The following TFB1M variants were observed in gnomAD, a reference collection of about 807,000 sequenced individuals.
TFB1M encodes the protein transcription factor B1, mitochondrial.
TFB1M carries 27 observed loss-of-function variants against 31.1 expected under a neutral mutation model. The observed-to-expected ratio is 0.87, with a 90% CI of 0.64 to 1.20. The LOEUF is 1.20. Ranked by LOEUF, TFB1M falls within the 50% of genes most tolerant of loss-of-function variation. The pLI is 0.00. For synonymous variants in TFB1M, 166 were observed against 151.8 expected (o/e 1.09, Z -0.69); for missense variants, 394 against 418.7 (o/e 0.94, Z 0.51).
Position 155,257,177 on chromosome 6 carries a change from A to G in TFB1M, c.*659T>C. 7.2e-7 allele frequency: 1 copy of G among 1,381,386 alleles called. No individual in the cohort carries two copies. Among genetic ancestry groups the G allele is most frequent in the Non-Finnish European group, 9.9e-7 (1 of 1,006,484 alleles). The allele number at this position is 1,381,386 out of a possible 1,614,324, so 85.6% of individuals were successfully genotyped here. A position where few individuals can be genotyped will look rare whatever the true frequency, so the allele number is the denominator to read the frequency against. On this transcript the variant is annotated 3_prime_UTR_variant, in exon 7 of 7. Transcript: ENST00000367166. ...CTCATTTTACTTTTAAACTGGTGGT[A>G]AAGTGGAAATTGCAAAAAAAAAAAA...
At chr6:155,295,470 T>C (rs1562415758) in intron 4 of TFB1M, among the ~76,000 whole-genome samples, 1 of 152,152 alleles carries the variant, frequency 6.6e-6, no homozygotes, top group Admixed American at 6.5e-5. Flanking sequence ...AGTGATCACC[T>C]TACTAGCATG....
chr6:155,290,029 T>G (rs1776834982), intron 4 of TFB1M, among the ~76,000 whole-genome samples: 1 of 152,158 alleles, frequency 6.6e-6, no homozygotes, highest in Admixed American at 6.5e-5. Context: ...GTGAGCCAAT[T>G]AAACCTTTTT....
chr6:155,252,015 A>G (rs1251252152), downstream of TFB1M: 2 of 1,590,428 alleles, frequency 1.3e-6, no homozygotes, highest in Admixed American at 3.5e-5. Flanking sequence ...TAAGGCAAAA[A>G]TTCATTTTAA....
At chr6:155,282,869 A>G (rs914355148) in intron 5 of TFB1M, among the ~76,000 whole-genome samples, 3 of 151,522 alleles carry the variant, frequency 2.0e-5, no homozygotes, top group African/African-American at 7.3e-5. Context: ...CTGGGACTTG[A>G]GGCGCCCACC....
chr6:155,266,498 C>G (rs1784636867), intron 5 of TFB1M, among the ~76,000 whole-genome samples: 1 of 152,092 alleles, frequency 6.6e-6, no homozygotes, highest in Non-Finnish European at 1.5e-5. Flanking sequence ...ATACAGCTCA[C>G]CAGGGGGGAT....
the TFB1M span, chr6:155,244,939 G>GTTT: frequency 2.0e-6 from 2 of 983,422 alleles, no homozygotes; most frequent in Non-Finnish European, 2.8e-6. Flanking sequence ...CCTCTGTCAG[G>GTTT]TGGTAAAGGA....
chr6:155,260,232 T>C, intron 6 of TFB1M, 41 bp downstream of exon 6: 1 of 1,612,188 alleles, frequency 6.2e-7, no homozygotes, highest in Non-Finnish European at 8.5e-7. Context: ...CCTGAGGATT[T>C]TATAAAGACT....
At chr6:155,312,038 ACT>A (rs1351612102) in intron 1 of TFB1M, among the ~76,000 whole-genome samples, 1 of 152,082 alleles carries the variant, frequency 6.6e-6, no homozygotes, top group Non-Finnish European at 1.5e-5. Flanking sequence ...TAGAGTACTG[ACT>A]CTGTGCAACC....
intron 6 of TFB1M, among the ~76,000 whole-genome samples, chr6:155,259,241 A>G (rs918151609): frequency 1.3e-5 from 2 of 152,226 alleles, no homozygotes; most frequent in African/African-American, 4.8e-5. Flanking sequence ...CCAGCAGTGC[A>G]CAGTAGCTGG....
the TFB1M span, among the ~76,000 whole-genome samples, chr6:155,231,334 T>G: frequency 6.6e-6 from 1 of 152,268 alleles, no homozygotes; most frequent in South Asian, 2.1e-4. Context: ...CTGTCTAGTC[T>G]AGAAGACAAA....
chr6:155,288,182 T>C (rs1001356790), intron 4 of TFB1M, among the ~76,000 whole-genome samples: 12 of 152,236 alleles, frequency 7.9e-5, no homozygotes, highest in African/African-American at 2.9e-4. Context: ...GGCAAAGTTA[T>C]AGATTGTACT....
chr6:155,296,795 C>A (rs938584958), intron 4 of TFB1M, among the ~76,000 whole-genome samples, 158 bp downstream of exon 4: 3 of 152,178 alleles, frequency 2.0e-5, no homozygotes, highest in African/African-American at 4.8e-5. Context: ...CTGTCATCAT[C>A]ATCAAAGTTT....
chr6:155,303,887 G>C (rs759785394), intron 2 of TFB1M, among the ~76,000 whole-genome samples: 8 of 152,102 alleles, frequency 5.3e-5, no homozygotes, highest in Admixed American at 1.3e-4. Flanking sequence ...AGCTAAAAAA[G>C]GTTTAACAGC....
At chr6:155,276,882 C>T (rs1785251558) in intron 5 of TFB1M, among the ~76,000 whole-genome samples, 1 of 152,188 alleles carries the variant, frequency 6.6e-6, no homozygotes, top group Admixed American at 6.5e-5. Context: ...CTGCTAAAAC[C>T]ATCCATCCCA....
At chr6:155,300,103 G>C (rs764047321) in intron 2 of TFB1M, among the ~76,000 whole-genome samples, 1 of 152,152 alleles carries the variant, frequency 6.6e-6, no homozygotes, top group Non-Finnish European at 1.5e-5. Context: ...TTCTCTTTTA[G>C]CCTGGGAGAT....
the TFB1M span, chr6:155,244,589 C>T: frequency 1.3e-6 from 2 of 1,550,202 alleles, no homozygotes; most frequent in East Asian, 2.3e-5. Context: ...ATTTGTGGGC[C>T]TAAGAGTTAG....
At chr6:155,300,219 GCCT>G (rs1777363647) in intron 2 of TFB1M, among the ~76,000 whole-genome samples, 1 of 152,160 alleles carries the variant, frequency 6.6e-6, no homozygotes, top group Non-Finnish European at 1.5e-5. Context: ...TAGCTGAAAC[GCCT>G]CTATTGGTAA....
the TFB1M span, among the ~76,000 whole-genome samples, chr6:155,246,102 C>T: frequency 5.3e-5 from 8 of 151,366 alleles, no homozygotes; most frequent in South Asian, 1.5e-3. Flanking sequence ...TCTTCTTAAG[C>T]CTGAGGAGCC....
chr6:155,250,291 CT>C, the TFB1M span, among the ~76,000 whole-genome samples: 50,233 of 133,416 alleles, frequency 0.38, 9,646 homozygotes, highest in Middle Eastern at 0.51. Context: ...TTGATTTTGC[CT>C]TTTTTTTTTT....
Sources: allele counts gnomAD v4.1 joint callset (sites outside exome capture counted in the v4.1 genomes callset), GRCh38; gene constraint gnomAD v4.1.1; transcripts MANE v1.5; gene names NCBI Gene and HGNC (gene_info 2026-07-23, HGNC 2026-07-21).